NCEH1: variants seen among roughly 807,000 people sequenced by gnomAD.
The protein encoded by NCEH1 is 2-acetyl MAGE hydrolase.
Under a neutral mutation model 25.4 loss-of-function variants are expected in NCEH1, and 9 were observed. That is an observed-to-expected ratio of 0.35 (90% confidence interval 0.21 to 0.62). The LOEUF (loss-of-function observed/expected upper bound fraction) is 0.62. NCEH1 is among the 20% of genes least tolerant of loss of function. The pLI is 0.72. For synonymous variants in NCEH1, 200 were observed against 199.8 expected (o/e 1.00, Z -0.01); for missense variants, 412 against 501.1 (o/e 0.82, Z 1.70).
chr3:172,639,915 A>G (rs181877623), intron 3 of NCEH1, among the ~76,000 whole-genome samples: 1 of 152,354 alleles, frequency 6.6e-6, no homozygotes, highest in Admixed American at 6.5e-5. Context: ...AAGGATGAGA[A>G]TGTGAGGTTG....
chr3:172,685,533 G>A (rs1182185643), intron 1 of NCEH1, among the ~76,000 whole-genome samples: 1 of 152,220 alleles, frequency 6.6e-6, no homozygotes, highest in Non-Finnish European at 1.5e-5. Flanking sequence ...CAAGCTCTGA[G>A]TCACCCAGTT....
At chr3:172,676,704 GTC>G (rs1282095963) in intron 1 of NCEH1, among the ~76,000 whole-genome samples, 3 of 152,148 alleles carry the variant, frequency 2.0e-5, no homozygotes, top group Non-Finnish European at 4.4e-5. Flanking sequence ...CTCCACACGT[GTC>G]TGTGTCATTT....
intron 1 of NCEH1, among the ~76,000 whole-genome samples, chr3:172,653,521 A>T (rs1340225384): frequency 6.6e-6 from 1 of 152,130 alleles, no homozygotes; most frequent in Admixed American, 6.5e-5. Flanking sequence ...TTAGTTAGCT[A>T]AGCAGTAAGT....
Position 172,634,013 on chromosome 3 carries a change from T to C in NCEH1, c.689A>G (p.Asn230Ser), listed in dbSNP as rs1716495627. Residue 230 changes from asparagine to serine, a missense_variant, in exon 5 of 5, where the codon AAC becomes AGC. By Grantham distance (46) the Asn-to-Ser change is conservative (BLOSUM62 1). Around this residue, in one of 3 missense-constraint regions of NCEH1, gnomAD observed 210 missense variants for 258.2 expected, o/e 0.81. Coordinates refer to ENST00000475381, the MANE Select transcript of NCEH1 (RefSeq NM_020792.6). ...IYPVLQALDF[N>S]TPSYQQNVNT... is the part of the protein sequence containing the mutation. ...CACATTTTGCTGATAAGATGGTGTG[T>C]TAAAATCTAAAGCTTGAAGAACTGG... 1 of 1,614,082 alleles carries C rather than the reference T, an allele frequency of 6.2e-7. No individual in the cohort carries two copies. The highest frequency in any genetic ancestry group is 1.7e-5 in the Admixed American group (1 of 60,002).
At chr3:172,703,577 TA>T (rs1713821228) in intron 1 of NCEH1, among the ~76,000 whole-genome samples, 1 of 151,102 alleles carries the variant, frequency 6.6e-6, no homozygotes. Context: ...AATGCTATTT[TA>T]AAAGAAGCAA....
At chr3:172,694,719 C>G (rs939075525) in intron 1 of NCEH1, among the ~76,000 whole-genome samples, 1 of 152,146 alleles carries the variant, frequency 6.6e-6, no homozygotes, top group Non-Finnish European at 1.5e-5. Flanking sequence ...ATCATAGCAG[C>G]CCCACCCTGC....
Position 172,650,811 on chromosome 3 carries a change from CGAAAAA to C in NCEH1, c.139-2703_139-2698del, listed in dbSNP as rs1409209269. Among the ~76,000 whole-genome samples, 201 of 89,978 alleles carry C rather than the reference CGAAAAA, an allele frequency of 2.2e-3. 3 individuals are homozygous for C. The highest frequency in any genetic ancestry group is 3.1e-3 in the Non-Finnish European group (149 of 48,582). 59.0% of individuals were successfully genotyped at this position (89,978 alleles called of 152,430 possible). On this transcript the variant is annotated intron_variant, in intron 1 of 4. Transcript: ENST00000475381. ...TGGATGACAGAGCGAGACTCTGCCT[CGAAAAA>C]AAAAAAAAAAAAAAAAAAAGGGACA...
intron 1 of NCEH1, among the ~76,000 whole-genome samples, chr3:172,671,422 A>G (rs1711610749): frequency 6.6e-6 from 1 of 152,012 alleles, no homozygotes; most frequent in African/African-American, 2.4e-5. Context: ...TTTACTTAGC[A>G]TACCTTTCGG....
At chr3:172,692,208 C>T (rs1713101176) in intron 1 of NCEH1, among the ~76,000 whole-genome samples, 1 of 152,136 alleles carries the variant, frequency 6.6e-6, no homozygotes, top group Non-Finnish European at 1.5e-5. Context: ...GCAAGAAAGA[C>T]AGACTTAAAG....
rs935943174 is a variant in NCEH1 at position 172,711,064 on chromosome 3, C to A, written c.-80G>T. 2 of 1,608,570 alleles carry A rather than the reference C, an allele frequency of 1.2e-6. No homozygotes were observed. Among genetic ancestry groups the A allele is most frequent in the African/African-American group, 2.7e-5 (2 of 74,940 alleles). On this transcript the variant is annotated 5_prime_UTR_variant, in exon 1 of 5. Transcript: ENST00000475381. The stretch of plus-strand genomic sequence containing the variant: ...CCGGAGACCTCCGGCAACTTTCTGC[C>A]CGCGGCAGCTGCTCATTCACGCGTT...
At position 172,704,072 on chromosome 3, in the gene NCEH1, T is replaced by C. The variant is rs377540726; in HGVS notation, c.138+6775A>G. On this transcript the variant is annotated intron_variant, in intron 1 of 4. Transcript: ENST00000475381. ...TAAATTCACCTGACAATAGTAAATATTCCAGTTCAAAACTGTTATGAAAGA... is the reference window on the plus strand; with the variant it reads ...TAAATTCACCTGACAATAGTAAATACTCCAGTTCAAAACTGTTATGAAAGA... Among the ~76,000 whole-genome samples, 6 of 146,614 alleles carry C rather than the reference T, an allele frequency of 4.1e-5. No homozygotes were observed. The East Asian group carries it at 9.8e-4, about 24-fold the overall frequency.
At chr3:172,691,477 G>T (rs1297384875) in intron 1 of NCEH1, among the ~76,000 whole-genome samples, 1 of 152,300 alleles carries the variant, frequency 6.6e-6, no homozygotes, top group Non-Finnish European at 1.5e-5. Context: ...CACTCACTCA[G>T]CAAATATGTG....
intron 3 of NCEH1, among the ~76,000 whole-genome samples, chr3:172,643,764 A>G (rs950931192): frequency 5.9e-5 from 9 of 152,174 alleles, no homozygotes; most frequent in African/African-American, 2.2e-4. Flanking sequence ...CACGGTGCCA[A>G]CTGAAGCAAG....
intron 1 of NCEH1, among the ~76,000 whole-genome samples, chr3:172,656,273 G>C (rs768827250): frequency 2.6e-5 from 4 of 152,170 alleles, no homozygotes; most frequent in African/African-American, 9.7e-5. Context: ...CTTGTCAAGA[G>C]AGAGACAAAG....
intron 1 of NCEH1, among the ~76,000 whole-genome samples, chr3:172,689,251 C>CTTTTTTT (rs34888694): frequency 4.9e-5 from 4 of 80,916 alleles, no homozygotes; most frequent in Admixed American, 1.5e-4. Flanking sequence ...CTTGGAGTAA[C>CTTTTTTT]TTTTTTTTTT....
At chr3:172,676,553 T>A (rs1712018080) in intron 1 of NCEH1, among the ~76,000 whole-genome samples, 1 of 147,540 alleles carries the variant, frequency 6.8e-6, no homozygotes, top group South Asian at 2.2e-4. Flanking sequence ...TCCTCCAGCA[T>A]CCCAATATAA....
chr3:172,676,607 A>G (rs893822230), intron 1 of NCEH1, among the ~76,000 whole-genome samples: 4 of 151,980 alleles, frequency 2.6e-5, no homozygotes, highest in Non-Finnish European at 4.4e-5. Flanking sequence ...CGTCGTTCGA[A>G]TCCCCCCTCC....
chr3:172,654,036 T>C (rs1446129913), intron 1 of NCEH1, among the ~76,000 whole-genome samples: 1 of 152,118 alleles, frequency 6.6e-6, no homozygotes, highest in African/African-American at 2.4e-5. Flanking sequence ...ATTACAGGCG[T>C]GAGCCACCGT....
intron 1 of NCEH1, 39 bp from the exon 2 acceptor site, chr3:172,648,153 G>A (rs368738376): frequency 2.9e-5 from 47 of 1,610,702 alleles, no homozygotes; most frequent in Admixed American, 1.5e-4. Flanking sequence ...GAGGGCGCAC[G>A]TCAACTTGGC....
Sources: gnomAD v4.1 joint callset for allele counts (sites outside exome capture counted in the v4.1 genomes callset) on GRCh38, gnomAD v4.1.1 for gene constraint, gnomAD v4.1.1 regional missense constraint, MANE v1.5 for transcripts, NCBI Gene and HGNC (gene_info 2026-07-23, HGNC 2026-07-21) for gene names.